Variants in FAT3 observed in about 807,000 individuals in gnomAD.
FAT3 encodes FAT atypical cadherin 3, also known as protocadherin Fat 3.
FAT3 carries 95 observed loss-of-function variants against 310.2 expected under a neutral mutation model. That is an observed-to-expected ratio of 0.31 (90% CI 0.26 to 0.36). The LOEUF (loss-of-function observed/expected upper bound fraction) is 0.36, where lower values mean the gene tolerates loss of function less well. Among genes scored for constraint, FAT3 ranks in the 10% least tolerant of loss-of-function variants. The pLI is 1.00. For missense variants in FAT3, 5,408 were observed against 5,715.6 expected, an observed-to-expected ratio of 0.95 and a Z score of 1.74; for synonymous variants, 2,314 against 2,192.9, an observed-to-expected ratio of 1.06 and a Z score of -1.54.
At chr11:92,394,718 C>G (rs1949827596) in intron 2 of FAT3, among the ~76,000 whole-genome samples, 1 of 151,846 alleles carries the variant, frequency 6.6e-6, no homozygotes, top group African/African-American at 2.4e-5. Context: ...GAAAAAAACT[C>G]TCATTTTAAA....
intron 6 of FAT3, among the ~76,000 whole-genome samples, chr11:92,771,991 T>G (rs892860583): frequency 6.6e-6 from 1 of 152,178 alleles, no homozygotes; most frequent in African/African-American, 2.4e-5. Context: ...CTATGCTTGC[T>G]GGTTCTCTAA....
At chr11:92,822,281 C>T (rs1947987201) in intron 13 of FAT3, among the ~76,000 whole-genome samples, 1 of 151,658 alleles carries the variant, frequency 6.6e-6, no homozygotes, top group East Asian at 1.9e-4. Context: ...CTCCCTCACT[C>T]ATGTGCTACC....
chr11:92,271,182 T>C (rs1946113916), intron 1 of FAT3, among the ~76,000 whole-genome samples: 1 of 152,094 alleles, frequency 6.6e-6, no homozygotes, highest in Admixed American at 6.6e-5. Flanking sequence ...TTCCAGGGGC[T>C]TCCCATGAAG....
intron 1 of FAT3, among the ~76,000 whole-genome samples, chr11:92,297,944 A>G (rs139584947): frequency 3.9e-5 from 6 of 152,154 alleles, no homozygotes; most frequent in African/African-American, 4.8e-5. Flanking sequence ...AATTCTGTCC[A>G]GCATTAGCTG....
Position 92,315,506 on chromosome 11 carries a change from TATATATAGAGAG to T in FAT3, c.-17-36588_-17-36577del, listed in dbSNP as rs1217706216. 3.0e-3 allele frequency among the ~76,000 whole-genome samples: 260 copies of T among 86,540 alleles called. 1 individual carries two copies. Among genetic ancestry groups the T allele is most frequent in the African/African-American group, 0.011 (222 of 20,416 alleles). 56.8% of individuals were successfully genotyped at this position (86,540 alleles called of 152,430 possible). A position where few individuals can be genotyped will look rare whatever the true frequency, so the allele number is the denominator to read the frequency against. On this transcript the variant is annotated intron_variant, in intron 1 of 27. Transcript: ENST00000525166. ...ATATATATATATATATATATATATA[TATATATAGAGAG>T]AGAGAGAGAGAGAGAGAGAGAGAGA...
intron 4 of FAT3, among the ~76,000 whole-genome samples, chr11:92,754,865 TA>T (rs1202468034): frequency 1.3e-5 from 2 of 151,760 alleles, no homozygotes; most frequent in Non-Finnish European, 2.9e-5. Context: ...AGACTTGATC[TA>T]AAAAATAATA....
At chr11:92,386,223 A>T (rs1221460181) in intron 2 of FAT3, among the ~76,000 whole-genome samples, 2 of 152,240 alleles carry the variant, frequency 1.3e-5, no homozygotes, top group Non-Finnish European at 2.9e-5. Flanking sequence ...TCAACAACCA[A>T]GAGGCAGTTT....
intron 2 of FAT3, among the ~76,000 whole-genome samples, chr11:92,458,394 T>C (rs1180196565): frequency 6.6e-6 from 1 of 152,238 alleles, no homozygotes; most frequent in Non-Finnish European, 1.5e-5. Context: ...AGTTACACTT[T>C]CCATGGAAAC....
rs1280031625 is a variant in FAT3 at position 92,895,554 on chromosome 11, G to A, written c.*4441G>A. 6.6e-6 allele frequency: 1 copy of A among 152,154 alleles called. No individual in the cohort carries two copies. The highest frequency in any genetic ancestry group is 1.9e-4 in the East Asian group (1 of 5,206). 9.4% of individuals were successfully genotyped at this position (152,154 alleles called of 1,614,324 possible). On this transcript the variant is annotated 3_prime_UTR_variant, in exon 28 of 28. Transcript: ENST00000525166. ...CGTAGAGTCATTTGGAGCGTGTTTG[G>A]ACCAATTAGTATGTACTGTAGTACC...
At chr11:92,882,137 A>G (rs1015746197) in intron 23 of FAT3, among the ~76,000 whole-genome samples, 1 of 152,190 alleles carries the variant, frequency 6.6e-6, no homozygotes, top group African/African-American at 2.4e-5. Context: ...TTAGTGGCAA[A>G]CTAATTTGGT....
chr11:92,459,648 TCAAAC>T (rs1951586096), intron 2 of FAT3, among the ~76,000 whole-genome samples: 1 of 152,180 alleles, frequency 6.6e-6, no homozygotes, highest in Non-Finnish European at 1.5e-5. Context: ...ATAATTTTGG[TCAAAC>T]CTTTTCAATT....
chr11:92,477,458 C>T (rs1311998789), intron 2 of FAT3, among the ~76,000 whole-genome samples: 1 of 152,170 alleles, frequency 6.6e-6, no homozygotes, highest in Non-Finnish European at 1.5e-5. Flanking sequence ...ATTATTGTTT[C>T]TGTCCTTTTA....
chr11:92,396,737 A>T (rs1312094126), intron 2 of FAT3, among the ~76,000 whole-genome samples: 2 of 151,880 alleles, frequency 1.3e-5, no homozygotes, highest in Non-Finnish European at 2.9e-5. Flanking sequence ...ATGGACTTTC[A>T]TTCTTGTTGC....
chr11:92,837,425 C>A (rs1348460427), intron 16 of FAT3, among the ~76,000 whole-genome samples: 1 of 152,214 alleles, frequency 6.6e-6, no homozygotes, highest in Non-Finnish European at 1.5e-5. Flanking sequence ...TACTGCCTCC[C>A]ACTTGACAGA....
intron 1 of FAT3, among the ~76,000 whole-genome samples, chr11:92,313,714 C>T (rs1947365916): frequency 6.6e-6 from 1 of 152,194 alleles, no homozygotes; most frequent in Admixed American, 6.5e-5. Flanking sequence ...CATGCGCCAA[C>T]ATGCCTGGCT....
chr11:92,531,960 C>A lies in FAT3; in HGVS notation c.3607+7012C>A, dbSNP rs543648221. ...GCTTCAGTTGTGACAACCAAAATAT[C>A]ACCAGACATTATCATACATTCTAGG... On this transcript the variant is annotated intron_variant, in intron 3 of 27. Coordinates refer to ENST00000525166, the MANE Select transcript of FAT3 (RefSeq NM_001367949.2). Among the ~76,000 whole-genome samples, 14 of 152,172 alleles carry A rather than the reference C, an allele frequency of 9.2e-5. 2 individuals carry two copies. The South Asian group carries it at 2.5e-3, about 27-fold the overall frequency.
chr11:92,258,569 G>T (rs1423975328), intron 1 of FAT3, among the ~76,000 whole-genome samples: 2 of 152,030 alleles, frequency 1.3e-5, no homozygotes, highest in Non-Finnish European at 1.5e-5. Flanking sequence ...TGGAGTTTTG[G>T]TTGTGTGGAG....
chr11:92,742,133 A>C (rs1945525381), intron 4 of FAT3, among the ~76,000 whole-genome samples: 1 of 152,222 alleles, frequency 6.6e-6, no homozygotes, highest in Non-Finnish European at 1.5e-5. Flanking sequence ...TTACAAGCTA[A>C]CTGAATGCAG....
At position 92,804,975 on chromosome 11, in the gene FAT3, A is replaced by G. The variant is rs190785622; in HGVS notation, c.8897-178A>G. 7.0e-4 allele frequency among the ~76,000 whole-genome samples: 107 copies of G among 152,382 alleles called. No individual in the cohort carries two copies. The East Asian group carries it at 0.018, about 25-fold the overall frequency. ...GTTTTGCTTTCCACAGAAGCCAAGCATATAAATATCATGCTTTGTTGCCCA... is the reference window on the plus strand; with the variant it reads ...GTTTTGCTTTCCACAGAAGCCAAGCGTATAAATATCATGCTTTGTTGCCCA... On this transcript the variant is annotated intron_variant, in intron 10 of 27. Transcript: ENST00000525166.
Sources: allele counts gnomAD v4.1 joint callset (sites outside exome capture counted in the v4.1 genomes callset), GRCh38; gene constraint gnomAD v4.1.1; transcripts MANE v1.5; gene names NCBI Gene and HGNC (gene_info 2026-07-23, HGNC 2026-07-21).